ARB2A: variants seen among roughly 807,000 people sequenced by gnomAD.
The protein encoded by ARB2A is cotranscriptional regulator ARB2A.
the ARB2A span, among the ~76,000 whole-genome samples, chr5:94,061,760 T>C: frequency 6.6e-6 from 1 of 152,190 alleles, no homozygotes; most frequent in Non-Finnish European, 1.5e-5. Flanking sequence ...ATTTACATGC[T>C]GAAAATTACA....
At chr5:93,628,243 G>A in the ARB2A span, among the ~76,000 whole-genome samples, 1 of 151,718 alleles carries the variant, frequency 6.6e-6, no homozygotes, top group Non-Finnish European at 1.5e-5. Flanking sequence ...TAGAGATGGG[G>A]TTTCACCATG....
chr5:94,106,955 G>A, the ARB2A span, among the ~76,000 whole-genome samples: 2 of 150,956 alleles, frequency 1.3e-5, no homozygotes, highest in African/African-American at 4.9e-5. Flanking sequence ...GGAGAAAGAA[G>A]GAAACAATAC....
the ARB2A span, among the ~76,000 whole-genome samples, chr5:94,027,298 T>C: frequency 6.6e-6 from 1 of 152,308 alleles, no homozygotes; most frequent in East Asian, 1.9e-4. Flanking sequence ...TGTATGCTAA[T>C]GAGATGACTG....
chr5:93,971,824 T>G, the ARB2A span, among the ~76,000 whole-genome samples: 5 of 152,076 alleles, frequency 3.3e-5, no homozygotes, highest in Non-Finnish European at 5.9e-5. Context: ...CCACCAGGTC[T>G]CAGGAGCAGA....
the ARB2A span, among the ~76,000 whole-genome samples, chr5:93,898,805 T>C: frequency 6.6e-5 from 10 of 152,194 alleles, no homozygotes; most frequent in African/African-American, 2.4e-4. Context: ...GAATAAAAAT[T>C]TGTAAATAAT....
At chr5:93,937,810 T>A in the ARB2A span, among the ~76,000 whole-genome samples, 1 of 152,314 alleles carries the variant, frequency 6.6e-6, no homozygotes. Flanking sequence ...CATACATCCT[T>A]CTGTATACTT....
the ARB2A span, among the ~76,000 whole-genome samples, chr5:93,938,316 T>C: frequency 6.6e-6 from 1 of 152,198 alleles, no homozygotes; most frequent in Non-Finnish European, 1.5e-5. Flanking sequence ...AAAAAAGTTA[T>C]GCCAGTTTTT....
At chr5:94,041,047 G>GT in the ARB2A span, among the ~76,000 whole-genome samples, 1 of 152,118 alleles carries the variant, frequency 6.6e-6, no homozygotes, top group South Asian at 2.1e-4. Flanking sequence ...CAGCAAAAGT[G>GT]TAAGAATTTC....
At chr5:93,811,952 G>T in the ARB2A span, among the ~76,000 whole-genome samples, 1 of 152,024 alleles carries the variant, frequency 6.6e-6, no homozygotes, top group African/African-American at 2.4e-5. Context: ...CATCATGGCT[G>T]GCTGACAGAT....
At chr5:93,686,860 AT>A in the ARB2A span, among the ~76,000 whole-genome samples, 1 of 152,144 alleles carries the variant, frequency 6.6e-6, no homozygotes, top group African/African-American at 2.4e-5. Context: ...TTAAAAAAAA[AT>A]CATAAAGGCA....
the ARB2A span, among the ~76,000 whole-genome samples, chr5:93,696,975 T>C: frequency 1.7e-4 from 25 of 147,916 alleles, no homozygotes; most frequent in Admixed American, 1.6e-3. Context: ...GGCAGGAGAA[T>C]CGCTTGAATC....
At chr5:93,628,683 T>C in the ARB2A span, among the ~76,000 whole-genome samples, 3 of 152,246 alleles carry the variant, frequency 2.0e-5, no homozygotes, top group Non-Finnish European at 4.4e-5. Context: ...AGATGGCTTC[T>C]TTCCTTAAAT....
chr5:93,794,310 A>C, the ARB2A span, among the ~76,000 whole-genome samples: 6 of 151,934 alleles, frequency 3.9e-5, no homozygotes, highest in Non-Finnish European at 5.9e-5. Flanking sequence ...TCACTGAAGA[A>C]CTTTCCTTTC....
chr5:93,728,614 A>G, the ARB2A span, among the ~76,000 whole-genome samples: 3 of 152,052 alleles, frequency 2.0e-5, no homozygotes, highest in Non-Finnish European at 2.9e-5. Context: ...CTGCTAAACC[A>G]TTAATTTCTC....
the ARB2A span, among the ~76,000 whole-genome samples, chr5:93,628,657 C>T: frequency 1.3e-5 from 2 of 152,194 alleles, no homozygotes; most frequent in Non-Finnish European, 2.9e-5. Flanking sequence ...CTTCACCTTG[C>T]GCTTTTATGT....
At chr5:93,987,951 T>C in the ARB2A span, among the ~76,000 whole-genome samples, 1 of 152,156 alleles carries the variant, frequency 6.6e-6, no homozygotes, top group Non-Finnish European at 1.5e-5. Flanking sequence ...TTCTAAGCTG[T>C]TCCTCCTCCA....
the ARB2A span, among the ~76,000 whole-genome samples, chr5:93,691,899 C>T: frequency 6.6e-6 from 1 of 152,122 alleles, no homozygotes; most frequent in African/African-American, 2.4e-5. Context: ...GAATTTTCAA[C>T]CCAGAATTTC....
At chr5:93,949,435 C>T in the ARB2A span, among the ~76,000 whole-genome samples, 1 of 151,944 alleles carries the variant, frequency 6.6e-6, no homozygotes, top group Non-Finnish European at 1.5e-5. Context: ...GTGGCACACG[C>T]CTGTAGTCCC....
At chr5:93,952,998 T>C in the ARB2A span, among the ~76,000 whole-genome samples, 5 of 152,338 alleles carry the variant, frequency 3.3e-5, no homozygotes, top group South Asian at 1.0e-3. Flanking sequence ...AGGTTCTTTT[T>C]TATTATTTCA....
Sources: allele counts gnomAD v4.1 joint callset (sites outside exome capture counted in the v4.1 genomes callset), GRCh38; gene constraint gnomAD v4.1.1; transcripts MANE v1.5; gene names NCBI Gene and HGNC (gene_info 2026-07-23, HGNC 2026-07-21).